The following PLA2G2C variants were observed in gnomAD, a reference collection of about 807,000 sequenced individuals.
PLA2G2C encodes the protein putative inactive group IIC secretory phospholipase A2.
In PLA2G2C, 15 loss-of-function variants were observed where a neutral mutation model predicts 14.3. That is an observed-to-expected ratio of 1.05 (90% CI 0.70 to 1.62). The LOEUF (loss-of-function observed/expected upper bound fraction) is 1.62. Among genes scored for constraint, PLA2G2C ranks in the 40% most tolerant of loss-of-function variants. PLA2G2C has a pLI of 0.00. For missense variants in PLA2G2C, 162 were observed against 173.2 expected, an observed-to-expected ratio of 0.94 and a Z score of 0.36; for synonymous variants, 79 against 67.7, an observed-to-expected ratio of 1.17 and a Z score of -0.82.
intron 4 of PLA2G2C, among the ~76,000 whole-genome samples, chr1:20,165,666 ACATGTGTGTG>A (rs1361345037): frequency 4.6e-5 from 7 of 152,034 alleles, no homozygotes; most frequent in Non-Finnish European, 8.8e-5. Flanking sequence ...GTGTGCATGC[ACATGTGTGTG>A]CATGTGTGTG....
intron 2 of PLA2G2C, 154 bp from the exon 3 acceptor site, chr1:20,175,299 CT>C: frequency 9.2e-7 from 1 of 1,092,366 alleles, no homozygotes; most frequent in Non-Finnish European, 1.3e-6. Flanking sequence ...TCACCAGCCT[CT>C]TTCCTGGGGA....
chr1:20,182,920 T>C (rs1218341340), intron 1 of PLA2G2C, among the ~76,000 whole-genome samples: 4 of 152,176 alleles, frequency 2.6e-5, no homozygotes, highest in Non-Finnish European at 4.4e-5. Context: ...AAGCCAAATA[T>C]GGTTGGGGAG....
chr1:20,165,739 C>T (rs1265060397), intron 4 of PLA2G2C, among the ~76,000 whole-genome samples: 1 of 151,440 alleles, frequency 6.6e-6, no homozygotes, highest in African/African-American at 2.4e-5. Context: ...CTTGTGTGTG[C>T]AGGTATGTGT....
intron 1 of PLA2G2C, among the ~76,000 whole-genome samples, chr1:20,178,985 T>C (rs78628171): frequency 0.019 from 2,875 of 152,328 alleles, 89 homozygotes; most frequent in African/African-American, 0.064. Context: ...ACGCTGTCCC[T>C]CACTGAGAAC....
chr1:20,165,746 G>A (rs1181363994), intron 4 of PLA2G2C, among the ~76,000 whole-genome samples: 2 of 152,018 alleles, frequency 1.3e-5, no homozygotes, highest in African/African-American at 4.8e-5. Flanking sequence ...GTGCAGGTAT[G>A]TGTCCATGTG....
chr1:20,177,878 G>C (rs999143764), intron 1 of PLA2G2C, among the ~76,000 whole-genome samples: 1 of 152,050 alleles, frequency 6.6e-6, no homozygotes, highest in Non-Finnish European at 1.5e-5. Context: ...TCTGCACCTT[G>C]GTTTCTTCTC....
chr1:20,183,002 T>C (rs2018298748), intron 1 of PLA2G2C, among the ~76,000 whole-genome samples: 1 of 151,982 alleles, frequency 6.6e-6, no homozygotes, highest in Non-Finnish European at 1.5e-5. Context: ...CCATCATCAT[T>C]GCCGAGCACG....
chr1:20,177,170 C>G (rs2018200475), intron 2 of PLA2G2C, among the ~76,000 whole-genome samples, 154 bp downstream of exon 2: 1 of 152,162 alleles, frequency 6.6e-6, no homozygotes, highest in South Asian at 2.1e-4. Flanking sequence ...GAAACAGAAG[C>G]AAGAGGACGT....
intron 3 of PLA2G2C, 138 bp downstream of exon 3, chr1:20,174,869 C>T (rs6692902): frequency 0.19 from 170,705 of 898,612 alleles, 17,895 homozygotes; most frequent in South Asian, 0.35. Context: ...CTCCAAATCC[C>T]GTTCAGTTCT....
intron 1 of PLA2G2C, among the ~76,000 whole-genome samples, chr1:20,185,518 T>C (rs1323802802): frequency 6.6e-6 from 1 of 152,156 alleles, no homozygotes; most frequent in Non-Finnish European, 1.5e-5. Context: ...AGATTGTGGC[T>C]GGGGACATCA....
chr1:20,175,335 T>C, intron 2 of PLA2G2C, 190 bp from the exon 3 acceptor site: 1 of 777,174 alleles, frequency 1.3e-6, no homozygotes, highest in Non-Finnish European at 2.0e-6. Context: ...GATTTGCCCC[T>C]GTAACACAGC....
chr1:20,177,491 C>A (rs1036379691), intron 1 of PLA2G2C, 52 bp from the exon 2 acceptor site: 1 of 566,850 alleles, frequency 1.8e-6, no homozygotes, highest in Admixed American at 3.4e-5. Context: ...GGGTGCAAAG[C>A]CCTAATTGTA....
intron 4 of PLA2G2C, among the ~76,000 whole-genome samples, chr1:20,166,618 C>G (rs1038994006): frequency 1.3e-5 from 2 of 152,176 alleles, no homozygotes; most frequent in African/African-American, 4.8e-5. Context: ...CTTTCTCGTC[C>G]CTCTCTCTTT....
chr1:20,181,369 C>T (rs1026878472), intron 1 of PLA2G2C, among the ~76,000 whole-genome samples: 1 of 152,016 alleles, frequency 6.6e-6, no homozygotes, highest in Non-Finnish European at 1.5e-5. Context: ...TGAATCCTCC[C>T]GAATCCTCCC....
intron 3 of PLA2G2C, among the ~76,000 whole-genome samples, chr1:20,173,240 C>T (rs1295466742): frequency 2.6e-5 from 4 of 151,826 alleles, no homozygotes; most frequent in Non-Finnish European, 5.9e-5. Flanking sequence ...TGCTTGAGCT[C>T]AGGTGACGGA....
At chr1:20,165,601 G>A (rs1271827398) in intron 4 of PLA2G2C, among the ~76,000 whole-genome samples, 4 of 152,152 alleles carry the variant, frequency 2.6e-5, no homozygotes, top group Non-Finnish European at 4.4e-5. Context: ...CACTTTGGCC[G>A]AGTCACCACT....
chr1:20,170,021 G>A (rs927998260), intron 4 of PLA2G2C, among the ~76,000 whole-genome samples: 1 of 152,184 alleles, frequency 6.6e-6, no homozygotes, highest in Non-Finnish European at 1.5e-5. Flanking sequence ...GGGCACCCGG[G>A]GTTTGAATTC....
At chr1:20,182,458 T>C (rs1187956847) in intron 1 of PLA2G2C, among the ~76,000 whole-genome samples, 2 of 152,234 alleles carry the variant, frequency 1.3e-5, no homozygotes, top group Non-Finnish European at 2.9e-5. Context: ...CCATATAACC[T>C]AGGTGTGTAG....
intron 3 of PLA2G2C, 57 bp downstream of exon 3, chr1:20,174,950 G>A (rs555594960): frequency 4.0e-6 from 6 of 1,499,916 alleles, no homozygotes; most frequent in Non-Finnish European, 3.6e-6. Context: ...CTCTGGCTTT[G>A]AGCATGAACT....
Sources: allele counts gnomAD v4.1 joint callset (sites outside exome capture counted in the v4.1 genomes callset), GRCh38; gene constraint gnomAD v4.1.1; transcripts MANE v1.5; gene names NCBI Gene and HGNC (gene_info 2026-07-23, HGNC 2026-07-21).